LPIN1: variants seen among roughly 807,000 people sequenced by gnomAD.
The protein encoded by LPIN1 is phosphatidate phosphatase LPIN1.
In LPIN1, 71 loss-of-function variants were observed where a neutral mutation model predicts 107.5. The ratio of observed to expected loss-of-function variants is 0.66; its 90% CI spans 0.55 to 0.80. The LOEUF is 0.80. Among genes scored for constraint, LPIN1 ranks in the 30% least tolerant of loss-of-function variants. The probability of loss-of-function intolerance (pLI) is 0.00; values close to 1 mark genes in which losing one functional copy is unlikely to be tolerated. For missense variants in LPIN1, 1,043 were observed against 1,160.6 expected, an observed-to-expected ratio of 0.90 and a Z score of 1.47; for synonymous variants, 445 against 452.6, an observed-to-expected ratio of 0.98 and a Z score of 0.21.
chr2:11,779,621 G>A lies in LPIN1; in HGVS notation c.933G>A (p.Trp311Ter), dbSNP rs1476347603. The A allele has an allele frequency of 9.3e-6, 15 of 1,614,116 alleles. No homozygotes were observed. The highest frequency in any genetic ancestry group is 1.3e-5 in the Non-Finnish European group (15 of 1,180,004). The change falls in exon 7 of 21, where the codon TGG becomes TGA. Residue 311 changes from tryptophan (W) to a stop codon, truncating the protein, a stop_gained. Transcript: ENST00000674199. LOFTEE classifies it high-confidence loss of function. The stretch of plus-strand genomic sequence containing the variant: ...AGAACCCAGAAATGCTTTGGCTGTG[G>A]GGAGAGCTGCCGCAGGCTGCTAAGG... ...GQKNPEMLWL[W>*]GELPQAAKSS...
intron 1 of LPIN1, among the ~76,000 whole-genome samples, chr2:11,706,053 G>C (rs974550789): frequency 6.6e-6 from 1 of 152,108 alleles, no homozygotes; most frequent in Non-Finnish European, 1.5e-5. Flanking sequence ...TTTTCCTGTC[G>C]CCATCCACTT....
At chr2:11,762,281 C>G (rs879453814) in intron 1 of LPIN1, among the ~76,000 whole-genome samples, 1 of 152,130 alleles carries the variant, frequency 6.6e-6, no homozygotes, top group Non-Finnish European at 1.5e-5. Flanking sequence ...CCCCAGCCTC[C>G]CAGCACTGCC....
chr2:11,805,669 G>GC (rs1293476804), intron 17 of LPIN1, among the ~76,000 whole-genome samples: 1 of 152,198 alleles, frequency 6.6e-6, no homozygotes, highest in African/African-American at 2.4e-5. Flanking sequence ...GGGACCCTCA[G>GC]CCCCAGACAT....
exon 2 of LPIN1, chr2:11,713,787 G>T (rs4614906): frequency 6.6e-7 from 1 of 1,517,338 alleles, no homozygotes; most frequent in Non-Finnish European, 8.8e-7. Context: ...GGGTGGATTC[G>T]AAATGTATGG....
chr2:11,688,642 C>G (rs1210070304), intron 1 of LPIN1, among the ~76,000 whole-genome samples: 2 of 152,156 alleles, frequency 1.3e-5, no homozygotes, highest in African/African-American at 4.8e-5. Flanking sequence ...CGCACCGGCG[C>G]GAATCAGGGC....
intron 1 of LPIN1, among the ~76,000 whole-genome samples, chr2:11,711,213 G>A (rs191676582): frequency 6.6e-6 from 1 of 152,188 alleles, no homozygotes. Context: ...TGGGTTGGAT[G>A]GTCCAGAATA....
intron 2 of LPIN1, chr2:11,713,887 C>A: frequency 9.2e-7 from 1 of 1,088,254 alleles, no homozygotes. Context: ...CCATGTCCAG[C>A]TGTGGTTTGT....
intron 17 of LPIN1, among the ~76,000 whole-genome samples, chr2:11,810,872 C>G (rs192080693): frequency 6.6e-6 from 1 of 152,116 alleles, no homozygotes. Flanking sequence ...TAAATCTCCC[C>G]GAGTCAGTGT....
chr2:11,769,524 G>C (rs968538868), intron 3 of LPIN1, among the ~76,000 whole-genome samples: 1 of 151,882 alleles, frequency 6.6e-6, no homozygotes, highest in African/African-American at 2.4e-5. Context: ...CCATTGGGTG[G>C]GTTCTCTTTT....
At chr2:11,802,111 T>C (rs569856026) in intron 14 of LPIN1, among the ~76,000 whole-genome samples, 1 of 152,170 alleles carries the variant, frequency 6.6e-6, no homozygotes, top group South Asian at 2.1e-4. Context: ...AAGTGATTCA[T>C]ATAGCATTGA....
Position 11,697,898 on chromosome 2 carries a change from C to G in LPIN1, c.82-15858C>G, listed in dbSNP as rs185103114. On this transcript the variant is annotated intron_variant, in intron 1 of 21. Coordinates refer to the LPIN1 transcript ENST00000449576. This position sits in a 1 kb window ranked among gnomAD's most constrained non-coding sequence, Gnocchi z 4.6. ...AATGCAGGTTCTCCCGAGGGGCAGC[C>G]CTCAGTCACAAGCCAGACTAGTCAC... is the stretch of plus-strand genomic sequence containing the variant. Among the ~76,000 whole-genome samples, 3 of 152,232 alleles carry G rather than the reference C, an allele frequency of 2.0e-5. No individual in the cohort carries two copies. The highest frequency in any genetic ancestry group is 4.2e-4 in the South Asian group (2 of 4,816).
intron 1 of LPIN1, among the ~76,000 whole-genome samples, chr2:11,694,466 T>TC (rs924499745): frequency 1.2e-4 from 18 of 152,196 alleles, no homozygotes; most frequent in Non-Finnish European, 2.5e-4. Flanking sequence ...CACTGCCACT[T>TC]CCGTGCCCTC....
chr2:11,792,043 A>G (rs747720441), intron 13 of LPIN1, 37 bp downstream of exon 13: 6 of 1,582,510 alleles, frequency 3.8e-6, no homozygotes, highest in Middle Eastern at 1.7e-4. Context: ...CACACTTAGC[A>G]AGTGTTGGTT....
At chr2:11,722,669 C>T (rs1664234027), upstream of LPIN1, among the ~76,000 whole-genome samples, 1 of 152,174 alleles carries the variant, frequency 6.6e-6, no homozygotes, top group African/African-American at 2.4e-5. Flanking sequence ...TCTTGTAGCC[C>T]ATTGAACATG....
At chr2:11,740,304 A>C (rs940300695) in intron 1 of LPIN1, among the ~76,000 whole-genome samples, 2 of 152,208 alleles carry the variant, frequency 1.3e-5, no homozygotes, top group African/African-American at 4.8e-5. Flanking sequence ...TCCAAATGCC[A>C]ACCTCTACCA....
intron 13 of LPIN1, 40 bp from the exon 14 acceptor site, chr2:11,795,368 C>T: frequency 1.3e-6 from 2 of 1,549,642 alleles, no homozygotes; most frequent in Non-Finnish European, 1.8e-6. Context: ...AGCCCCTTCT[C>T]TGTGGTACTT....
upstream of LPIN1, among the ~76,000 whole-genome samples, chr2:11,741,765 C>T (rs550758752): frequency 1.5e-4 from 22 of 147,868 alleles, no homozygotes; most frequent in African/African-American, 4.8e-4. Context: ...AAGCCGAGAT[C>T]GTGCCACTGC....
chr2:11,777,881 C>T (rs1672924324), intron 6 of LPIN1, among the ~76,000 whole-genome samples: 1 of 152,144 alleles, frequency 6.6e-6, no homozygotes, highest in Admixed American at 6.5e-5. Context: ...GGGAACAGCA[C>T]CGTTGAGGGT....
intron 1 of LPIN1, among the ~76,000 whole-genome samples, chr2:11,704,483 G>A (rs1396885089): frequency 6.6e-6 from 1 of 152,182 alleles, no homozygotes; most frequent in African/African-American, 2.4e-5. Context: ...CGCACTGGAG[G>A]TCACTTCTAA....
Sources: gnomAD v4.1 joint callset for allele counts (sites outside exome capture counted in the v4.1 genomes callset) on GRCh38, gnomAD v4.1.1 for gene constraint, Gnocchi (gnomAD v3.1) non-coding constraint, MANE v1.5 for transcripts, NCBI Gene and HGNC (gene_info 2026-07-23, HGNC 2026-07-21) for gene names.